Variants in EFHB observed in about 807,000 individuals in gnomAD.
EFHB encodes the protein EF-hand domain-containing family member B.
In EFHB, 91 loss-of-function variants were observed where a neutral mutation model predicts 87.2. The ratio of observed to expected loss-of-function variants is 1.04; its 90% confidence interval spans 0.88 to 1.24. The LOEUF is 1.24. Ranked by LOEUF, EFHB falls within the 50% of genes most tolerant of loss-of-function variation. The probability of loss-of-function intolerance (pLI) is 0.00; values close to 1 mark genes in which losing one functional copy is unlikely to be tolerated. For synonymous variants in EFHB, 325 were observed against 333.6 expected (o/e 0.97, Z 0.28); for missense variants, 1,084 against 998.8 (o/e 1.09, Z -1.15).
chr3:19,929,717 A>AC (rs1695763698), intron 1 of EFHB, among the ~76,000 whole-genome samples: 1 of 151,656 alleles, frequency 6.6e-6, no homozygotes, highest in African/African-American at 2.4e-5. Context: ...TCAAAAAAAA[A>AC]AAAAAAAAAA....
rs746781771 is a variant in EFHB at position 19,918,293 on chromosome 3, T to C, written c.1116A>G (p.Ala372=). The C allele has an allele frequency of 6.2e-7, 1 of 1,613,678 alleles. No individual in the cohort carries two copies. The highest frequency in any genetic ancestry group is 1.7e-5 in the Admixed American group (1 of 59,994). The part of the protein sequence containing the change: ...RAPLGKSHDQ[A]PGLPKGMDTT... Reference sequence around the variant, plus strand: ...TGTCCATGCCTTTTGGTAATCCTGGTGCTTGATCGTGAGATTTTCCTAATG... The same window carrying C: ...TGTCCATGCCTTTTGGTAATCCTGGCGCTTGATCGTGAGATTTTCCTAATG... Residue 372 remains alanine (A), a synonymous_variant, in exon 4 of 13, where the codon GCA becomes GCG. Coordinates refer to ENST00000295824, the MANE Select transcript of EFHB (RefSeq NM_144715.4).
chr3:19,926,651 C>T (rs1247872852), intron 1 of EFHB, among the ~76,000 whole-genome samples: 12 of 136,238 alleles, frequency 8.8e-5, no homozygotes, highest in African/African-American at 1.1e-4. Flanking sequence ...TGAGCCACCA[C>T]GCCCAGCCTG....
chr3:19,908,124 G>C (rs991210786), intron 5 of EFHB, among the ~76,000 whole-genome samples: 47 of 152,178 alleles, frequency 3.1e-4, no homozygotes, highest in African/African-American at 1.1e-3. Flanking sequence ...GACATGAAAA[G>C]ACATTCCAAA....
At position 19,908,617 on chromosome 3, in the gene EFHB, AAAG is replaced by A. The variant is rs1426606597; in HGVS notation, c.1289-2871_1289-2869del. Among the ~76,000 whole-genome samples, 242 of 148,712 alleles carry A rather than the reference AAAG, an allele frequency of 1.6e-3. 1 individual carries two copies. The highest frequency in any genetic ancestry group is 5.8e-3 in the African/African-American group (228 of 39,064). ...GAGAGAGAGAAAGAAAGAAAGAAAG[AAAG>A]AAAGAAAGAAAGAAAGAAAGAAAGA... On this transcript the variant is annotated intron_variant, in intron 5 of 12. Coordinates refer to ENST00000295824, the MANE Select transcript of EFHB (RefSeq NM_144715.4).
intron 12 of EFHB, among the ~76,000 whole-genome samples, chr3:19,880,461 A>G (rs1574984244): frequency 1.3e-5 from 2 of 152,050 alleles, no homozygotes; most frequent in East Asian, 3.9e-4. Flanking sequence ...CATGCTGGCC[A>G]GGCTGGTCTT....
chr3:19,879,836 TTA>T (rs2071628758), intron 12 of EFHB, 32 bp from the exon 13 acceptor site: 4 of 1,527,998 alleles, frequency 2.6e-6, no homozygotes, highest in Non-Finnish European at 3.5e-6. Flanking sequence ...AGACCATGAT[TTA>T]TATGTTTTAA....
chr3:19,889,288 C>T (rs1249100801), intron 9 of EFHB, among the ~76,000 whole-genome samples: 2 of 152,154 alleles, frequency 1.3e-5, no homozygotes, highest in East Asian at 1.9e-4. Flanking sequence ...ACACAATGTT[C>T]GTTAAGGAAG....
At chr3:19,880,541 T>C (rs760194128) in intron 12 of EFHB, among the ~76,000 whole-genome samples, 4 of 152,140 alleles carry the variant, frequency 2.6e-5, no homozygotes, top group Non-Finnish European at 4.4e-5. Context: ...CATGAGCCTC[T>C]AGGCATGGCC....
upstream of EFHB, chr3:19,936,201 T>C (rs1329103962): frequency 1.5e-5 from 16 of 1,046,980 alleles, 1 homozygote; most frequent in Non-Finnish European, 2.0e-5. Context: ...AAGAATTCAA[T>C]TAGCCCAGCG....
intron 4 of EFHB, among the ~76,000 whole-genome samples, chr3:19,916,472 G>C (rs759771929): frequency 6.6e-6 from 1 of 151,160 alleles, no homozygotes; most frequent in Non-Finnish European, 1.5e-5. Context: ...CCAAGATCAC[G>C]ACACTGCACT....
intron 1 of EFHB, among the ~76,000 whole-genome samples, chr3:19,932,098 C>T (rs1695849601): frequency 6.6e-6 from 1 of 152,216 alleles, no homozygotes; most frequent in South Asian, 2.1e-4. Context: ...ACCAACTTCC[C>T]TTACTCACCA....
chr3:19,912,077 A>G (rs1328212962), intron 5 of EFHB, among the ~76,000 whole-genome samples: 2 of 152,226 alleles, frequency 1.3e-5, no homozygotes. Flanking sequence ...AGAGAAAGAT[A>G]TCAATATCCA....
chr3:19,894,989 A>AAAATATATATATATATATATATAT (rs369564576), intron 9 of EFHB: 26 of 144,518 alleles, frequency 1.8e-4, no homozygotes, highest in African/African-American at 6.1e-4. Context: ...TGTCTCAAAA[A>AAAATATATATATATATATATATAT]ATATATATAT....
chr3:19,904,160 G>C (rs1694762021), intron 6 of EFHB, among the ~76,000 whole-genome samples: 1 of 152,184 alleles, frequency 6.6e-6, no homozygotes, highest in Non-Finnish European at 1.5e-5. Context: ...AAAGAGGGCA[G>C]AGGTCAGAAC....
intron 6 of EFHB, among the ~76,000 whole-genome samples, 157 bp downstream of exon 6, chr3:19,905,463 G>A (rs1241722516): frequency 2.0e-5 from 3 of 151,904 alleles, no homozygotes; most frequent in African/African-American, 7.3e-5. Context: ...GGTGTCAGAA[G>A]TGAAATACAT....
intron 1 of EFHB, among the ~76,000 whole-genome samples, chr3:19,939,399 T>TTTTTTTTTTTTTTTGTG (rs1222004052): frequency 9.2e-6 from 1 of 108,502 alleles, no homozygotes; most frequent in African/African-American, 3.2e-5. Flanking sequence ...TTTTTTTTTT[T>TTTTTTTTTTTTTTTGTG]TGGGATGGAG....
At chr3:19,934,454 T>TCC (rs556697572), upstream of EFHB, among the ~76,000 whole-genome samples, 267 of 149,144 alleles carry the variant, frequency 1.8e-3, 8 homozygotes, top group East Asian at 0.041. Context: ...TCTCTCCCTC[T>TCC]CTGTGTGTCT....
Position 19,915,303 on chromosome 3 carries a change from CT to C in EFHB, c.1287del (p.Gly430GlufsTer44), listed in dbSNP as rs546854889. 8.6e-4 allele frequency: 1,386 copies of C among 1,604,520 alleles called. 17 individuals are homozygous for C. The Admixed American group carries it at 0.018, about 21-fold the overall frequency. ...CCATTTTGCATCGGAGGACACTTAC[CT>C]GCATAATAATCATTGTGAGAAACAA... ...LYVVSHNDYY[A>X]GEAKNRKYNP... is the part of the protein sequence containing the mutation. On this transcript the variant is annotated frameshift_variant and splice_region_variant, in exon 5 of 13. Transcript: ENST00000295824. LOFTEE classifies it high-confidence loss of function.
At chr3:19,908,574 G>GAAAGAGAGAA (rs879835898) in intron 5 of EFHB, among the ~76,000 whole-genome samples, 38 of 105,568 alleles carry the variant, frequency 3.6e-4, no homozygotes, top group Non-Finnish European at 4.3e-4. Flanking sequence ...GAGAGAGAGA[G>GAAAGAGAGAA]AGAGAGAGAG....
Sources: gnomAD v4.1 joint callset for allele counts (sites outside exome capture counted in the v4.1 genomes callset) on GRCh38, gnomAD v4.1.1 for gene constraint, MANE v1.5 for transcripts, NCBI Gene and HGNC (gene_info 2026-07-23, HGNC 2026-07-21) for gene names.